Variants in SREBF2 observed in about 807,000 individuals in gnomAD.
SREBF2 encodes the protein sterol regulatory element binding transcription factor 2, also known as sterol regulatory element-binding protein 2.
In SREBF2, 55 loss-of-function variants were observed where a neutral mutation model predicts 113.1. The ratio of observed to expected loss-of-function variants is 0.49; its 90% confidence interval spans 0.39 to 0.61. SREBF2 has a LOEUF of 0.61. Among genes scored for constraint, SREBF2 ranks in the 20% least tolerant of loss-of-function variants. The pLI is 0.00. For missense variants in SREBF2, 1,349 were observed against 1,487.4 expected, an observed-to-expected ratio of 0.91 and a Z score of 1.53; for synonymous variants, 593 against 605.7, an observed-to-expected ratio of 0.98 and a Z score of 0.31.
At chr22:41,854,987 C>T (rs766444648) in intron 1 of SREBF2, among the ~76,000 whole-genome samples, 4 of 150,332 alleles carry the variant, frequency 2.7e-5, no homozygotes, top group African/African-American at 4.9e-5. Context: ...CTTAGCCTCC[C>T]GTGTAGCTGG....
Position 41,856,952 on chromosome 22 carries a change from G to A in SREBF2, c.89-9879G>A, listed in dbSNP as rs1204713719. On this transcript the variant is annotated intron_variant, in intron 1 of 18. Coordinates refer to ENST00000361204, the MANE Select transcript of SREBF2 (RefSeq NM_004599.4). ...CGTGGTGGCAGGCGGCTGTAATCCC[G>A]GCTACATGGGAGGCTGAGACAGGAG... 2.6e-5 allele frequency among the ~76,000 whole-genome samples: 4 copies of A among 151,722 alleles called. No individual in the cohort carries two copies. The South Asian group carries it at 6.2e-4, about 24-fold the overall frequency.
chr22:41,885,500 TG>T (rs2148402397), intron 11 of SREBF2: 1 of 192,384 alleles, frequency 5.2e-6, no homozygotes, highest in East Asian at 1.2e-4. Flanking sequence ...AAAAGAAAAA[TG>T]AAATGAATAA....
chr22:41,841,701 C>A (rs1459248287), intron 1 of SREBF2, among the ~76,000 whole-genome samples: 13 of 152,178 alleles, frequency 8.5e-5, no homozygotes, highest in Admixed American at 8.5e-4. Context: ...AAAGGAAATT[C>A]TCAAGCAGTT....
At chr22:41,901,048 A>G in intron 16 of SREBF2, 1 of 500,980 alleles carries the variant, frequency 2.0e-6, no homozygotes, top group South Asian at 1.5e-5. Flanking sequence ...GCCCTGACTG[A>G]AGGCCCTATC....
intron 1 of SREBF2, 70 bp from the exon 2 acceptor site, chr22:41,866,761 G>A: frequency 6.4e-7 from 1 of 1,574,520 alleles, no homozygotes; most frequent in Non-Finnish European, 8.7e-7. Flanking sequence ...TCATGCCTTA[G>A]TTTCTTAAGC....
At chr22:41,844,575 G>C (rs564501543) in intron 1 of SREBF2, among the ~76,000 whole-genome samples, 1 of 152,104 alleles carries the variant, frequency 6.6e-6, no homozygotes, top group Non-Finnish European at 1.5e-5. Flanking sequence ...CTAAACTATC[G>C]AAGGGCTTGC....
intron 11 of SREBF2, among the ~76,000 whole-genome samples, chr22:41,888,001 G>A (rs577979097): frequency 1.4e-4 from 21 of 152,172 alleles, no homozygotes; most frequent in South Asian, 2.1e-4. Context: ...ACTATCTGTC[G>A]TCTCATTGAT....
intron 1 of SREBF2, among the ~76,000 whole-genome samples, chr22:41,857,119 A>G (rs1602288016): frequency 6.6e-6 from 1 of 152,276 alleles, no homozygotes; most frequent in East Asian, 1.9e-4. Context: ...TGGATGAACA[A>G]GATACTCAAA....
intron 11 of SREBF2, among the ~76,000 whole-genome samples, chr22:41,892,219 G>T (rs2077370437): frequency 6.6e-6 from 1 of 152,208 alleles, no homozygotes; most frequent in African/African-American, 2.4e-5. Context: ...CTTCACTCCA[G>T]TGCCATCTGA....
At chr22:41,840,440 C>A (rs201116184) in intron 1 of SREBF2, among the ~76,000 whole-genome samples, 1 of 104,314 alleles carries the variant, frequency 9.6e-6, no homozygotes, top group Non-Finnish European at 1.8e-5. Context: ...TGTTGAAGCT[C>A]TTCTTTCCCA....
intron 1 of SREBF2, among the ~76,000 whole-genome samples, chr22:41,842,676 C>T (rs971360931): frequency 6.6e-6 from 1 of 152,112 alleles, no homozygotes; most frequent in African/African-American, 2.4e-5. Flanking sequence ...ACATAGTTGT[C>T]GCAAGAATCC....
At chr22:41,838,647 C>T (rs1422236521) in intron 1 of SREBF2, among the ~76,000 whole-genome samples, 3 of 152,134 alleles carry the variant, frequency 2.0e-5, no homozygotes, top group African/African-American at 4.8e-5. Flanking sequence ...GCAGGAGAAT[C>T]GCTTGAACCT....
intron 4 of SREBF2, among the ~76,000 whole-genome samples, chr22:41,872,890 C>G (rs1011666233): frequency 6.9e-6 from 1 of 144,918 alleles, no homozygotes; most frequent in Non-Finnish European, 1.5e-5. Context: ...GAGACTTTGT[C>G]TCAAAAAAAA....
chr22:41,833,405 G>T lies in SREBF2; in HGVS notation c.88+47G>T. The T allele has an allele frequency of 6.7e-7, 1 of 1,492,006 alleles. No homozygotes were observed. Among genetic ancestry groups the T allele is most frequent in the South Asian group, 1.2e-5 (1 of 80,790 alleles). The allele number at this position is 1,492,006 out of a possible 1,614,324, so 92.4% of individuals were successfully genotyped here. A position where few individuals can be genotyped will look rare whatever the true frequency, so the allele number is the denominator to read the frequency against. Reference sequence around the variant, plus strand: ...GTGCGGGGGCCGCGCGGGGAGGAAGGGGTTACGGCGGCGCGCCCGGGTGCG... The same window carrying T: ...GTGCGGGGGCCGCGCGGGGAGGAAGTGGTTACGGCGGCGCGCCCGGGTGCG... On this transcript the variant is annotated intron_variant, in intron 1 of 18. Coordinates refer to ENST00000361204, the MANE Select transcript of SREBF2 (RefSeq NM_004599.4). The surrounding 1 kb of genome is among the most constrained non-coding windows in gnomAD (Gnocchi z 4.1).
intron 6 of SREBF2, 38 bp downstream of exon 6, chr22:41,875,489 A>T (rs577268369): frequency 6.2e-7 from 1 of 1,614,198 alleles, no homozygotes; most frequent in South Asian, 1.1e-5. Context: ...GCCCTGGCCC[A>T]GGTGGGGCTT....
intron 17 of SREBF2, among the ~76,000 whole-genome samples, chr22:41,903,565 G>A (rs2077482230): frequency 6.6e-6 from 1 of 152,236 alleles, no homozygotes; most frequent in South Asian, 2.1e-4. Flanking sequence ...CTTCGGTTCT[G>A]CTGCTGGGTA....
At chr22:41,903,240 G>T in intron 17 of SREBF2, 85 bp downstream of exon 17, 1 of 1,494,040 alleles carries the variant, frequency 6.7e-7, no homozygotes, top group Non-Finnish European at 9.0e-7. Flanking sequence ...CCAGCATGTG[G>T]TTGTGGAGTT....
intron 11 of SREBF2, chr22:41,886,235 A>C (rs1357143471): frequency 1.3e-5 from 2 of 152,184 alleles, no homozygotes; most frequent in Non-Finnish European, 2.9e-5. Flanking sequence ...AAGACACATC[A>C]TTCTTCCTAT....
intron 1 of SREBF2, among the ~76,000 whole-genome samples, chr22:41,835,316 T>C (rs1569365136): frequency 6.7e-6 from 1 of 150,206 alleles, no homozygotes; most frequent in Non-Finnish European, 1.5e-5. Flanking sequence ...TAAATTTTTT[T>C]TTTTTTTTTT....
Sources: gnomAD v4.1 joint callset for allele counts (sites outside exome capture counted in the v4.1 genomes callset) on GRCh38, gnomAD v4.1.1 for gene constraint, Gnocchi (gnomAD v3.1) non-coding constraint, MANE v1.5 for transcripts, NCBI Gene and HGNC (gene_info 2026-07-23, HGNC 2026-07-21) for gene names.